MAN2A1: variants seen among roughly 807,000 people sequenced by gnomAD.
MAN2A1 encodes alpha-mannosidase 2.
Under a neutral mutation model 142.6 loss-of-function variants are expected in MAN2A1, and 76 were observed. That is an observed-to-expected ratio of 0.53 (90% CI 0.44 to 0.65). The LOEUF is 0.65. Ranked by LOEUF, MAN2A1 falls within the 30% of genes least tolerant of loss-of-function variation. The pLI is 0.00. For synonymous variants in MAN2A1, 559 were observed against 473.2 expected (o/e 1.18, Z -2.35); for missense variants, 1,311 against 1,365.1 (o/e 0.96, Z 0.62).
chr5:109,690,488 T>C lies in MAN2A1; in HGVS notation c.71T>C (p.Leu24Pro), dbSNP rs1233418118. 3.7e-6 allele frequency: 6 copies of C among 1,613,928 alleles called. No individual in the cohort carries two copies. The highest frequency in any genetic ancestry group is 5.1e-6 in the Non-Finnish European group (6 of 1,179,880). The stretch of plus-strand genomic sequence containing the variant: ...TGTGTGGTGATTTTCTCGCTCTACC[T>C]GATGCTGGACCGGGGTCACTTAGAC... ...IFCVVIFSLY[L>P]MLDRGHLDYP... Residue 24 changes from leucine to proline, a missense_variant, in exon 1 of 22, where the codon CTG becomes CCG. Leu to Pro is a moderately conservative substitution (Grantham distance 98). Transcript: ENST00000261483.
chr5:109,702,393 GGA>G (rs778722087), intron 1 of MAN2A1, among the ~76,000 whole-genome samples: 1 of 150,620 alleles, frequency 6.6e-6, no homozygotes, highest in Non-Finnish European at 1.5e-5. Flanking sequence ...TGGTGGAGAG[GGA>G]GAGAGAGATT....
At chr5:109,846,383 G>A (rs1755344817) in intron 18 of MAN2A1, among the ~76,000 whole-genome samples, 1 of 152,150 alleles carries the variant, frequency 6.6e-6, no homozygotes, top group Non-Finnish European at 1.5e-5. Context: ...GGAAGTTGTG[G>A]TTCAAACTTA....
At chr5:109,757,732 A>G (rs1752726527) in intron 5 of MAN2A1, among the ~76,000 whole-genome samples, 1 of 152,130 alleles carries the variant, frequency 6.6e-6, no homozygotes, top group African/African-American at 2.4e-5. Context: ...GTCTCAGGCT[A>G]TCACTAGTCT....
chr5:109,832,887 G>A (rs1399777303), intron 16 of MAN2A1, among the ~76,000 whole-genome samples: 7 of 148,350 alleles, frequency 4.7e-5, no homozygotes, highest in African/African-American at 1.0e-4. Context: ...GGCGGCTGCC[G>A]GGCGGAGGGG....
Position 109,761,833 on chromosome 5 carries a change from T to G in MAN2A1, c.836-5702T>G, listed in dbSNP as rs141424982. Among the ~76,000 whole-genome samples the G allele has an allele frequency of 4.0e-3, 608 of 152,124 alleles. 2 individuals are homozygous for G. Among genetic ancestry groups the G allele is most frequent in the African/African-American group, 0.013 (552 of 41,536 alleles). The stretch of plus-strand genomic sequence containing the variant: ...ATGTTAAAAATTTCTCCAAAGTTAT[T>G]AATATCCAATTTACATCTAAAATGT... On this transcript the variant is annotated intron_variant, in intron 5 of 21. Coordinates refer to ENST00000261483, the MANE Select transcript of MAN2A1 (RefSeq NM_002372.4).
intron 12 of MAN2A1, among the ~76,000 whole-genome samples, chr5:109,813,909 C>T (rs757298505): frequency 2.0e-5 from 3 of 152,136 alleles, no homozygotes; most frequent in Non-Finnish European, 2.9e-5. Context: ...CGTTTTTCTC[C>T]AGCCAAAGTA....
At chr5:109,691,123 G>T (rs1561461543) in intron 1 of MAN2A1, among the ~76,000 whole-genome samples, 1 of 152,114 alleles carries the variant, frequency 6.6e-6, no homozygotes, top group Admixed American at 6.5e-5. Context: ...TCATTCTTCA[G>T]CTATTACATC....
intron 3 of MAN2A1, among the ~76,000 whole-genome samples, chr5:109,716,660 A>G (rs11742677): frequency 0.053 from 8,123 of 152,318 alleles, 227 homozygotes; most frequent in South Asian, 0.098. Flanking sequence ...TCTTTAAAAT[A>G]AAGAAGCAGT....
intron 1 of MAN2A1, among the ~76,000 whole-genome samples, chr5:109,705,305 A>G (rs547967459): frequency 1.3e-5 from 2 of 152,332 alleles, no homozygotes; most frequent in South Asian, 2.1e-4. Context: ...GATTGATTCT[A>G]AAACTCAGTC....
intron 16 of MAN2A1, among the ~76,000 whole-genome samples, chr5:109,825,688 T>A (rs1040881527): frequency 2.0e-5 from 3 of 151,946 alleles, no homozygotes; most frequent in Admixed American, 2.0e-4. Flanking sequence ...ACTAAATGCT[T>A]GTCATTTTTC....
intron 20 of MAN2A1, among the ~76,000 whole-genome samples, chr5:109,860,834 A>G (rs1403301163): frequency 6.6e-6 from 1 of 152,184 alleles, no homozygotes; most frequent in Non-Finnish European, 1.5e-5. Flanking sequence ...TGGTTTCTGA[A>G]TTGATATATT....
intron 1 of MAN2A1, among the ~76,000 whole-genome samples, chr5:109,703,593 T>TG (rs1751048042): frequency 1.3e-5 from 2 of 151,984 alleles, no homozygotes; most frequent in African/African-American, 4.8e-5. Context: ...GTAAAGTCGG[T>TG]GTGGTTTTTA....
chr5:109,792,759 A>G (rs1041942745), intron 12 of MAN2A1, among the ~76,000 whole-genome samples: 2 of 152,138 alleles, frequency 1.3e-5, no homozygotes, highest in Non-Finnish European at 2.9e-5. Flanking sequence ...GAGGGCTCAT[A>G]TACATTGCTG....
rs141259706 is a variant in MAN2A1 at position 109,829,863 on chromosome 5, G to C, written c.2566+6026G>C. Among the ~76,000 whole-genome samples, 238 of 152,216 alleles carry C rather than the reference G, an allele frequency of 1.6e-3. 2 individuals carry two copies. Among genetic ancestry groups the C allele is most frequent in the African/African-American group, 5.5e-3 (227 of 41,542 alleles). On this transcript the variant is annotated intron_variant, in intron 16 of 21. Coordinates refer to ENST00000261483, the MANE Select transcript of MAN2A1 (RefSeq NM_002372.4). ...AACTTAATTTTTTTCTTGAAAATTG[G>C]TGTAGTCTTCGTCTTCTACATTGTC...
At chr5:109,786,976 G>C (rs1753611334) in intron 10 of MAN2A1, among the ~76,000 whole-genome samples, 1 of 151,960 alleles carries the variant, frequency 6.6e-6, no homozygotes, top group Non-Finnish European at 1.5e-5. Flanking sequence ...GGGAATCTGA[G>C]AGCATGCTGT....
At chr5:109,790,599 A>G (rs1753713397) in intron 12 of MAN2A1, among the ~76,000 whole-genome samples, 1 of 152,072 alleles carries the variant, frequency 6.6e-6, no homozygotes, top group South Asian at 2.1e-4. Context: ...TTATAAAATT[A>G]CAAAATGTTT....
Position 109,774,220 on chromosome 5 carries a change from A to AT in MAN2A1, c.1197-559dup, listed in dbSNP as rs1435799550. ...TTGGTGGCAGGTGACAAGTGTGTGG[A>AT]TTTTTTTTTCTTTAGAAGAGGAAAT... On this transcript the variant is annotated intron_variant, in intron 7 of 21. Transcript: ENST00000261483. Among the ~76,000 whole-genome samples, 5 of 151,736 alleles carry AT rather than the reference A, an allele frequency of 3.3e-5. No homozygotes were observed. In the East Asian group the frequency reaches 7.7e-4, roughly 23 times the overall value.
chr5:109,705,920 T>C (rs1751118009), intron 1 of MAN2A1, among the ~76,000 whole-genome samples: 1 of 152,218 alleles, frequency 6.6e-6, no homozygotes, highest in African/African-American at 2.4e-5. Context: ...CTTTTCCTTA[T>C]GATTACATTG....
rs1369724335 is a variant in MAN2A1 at position 109,842,313 on chromosome 5, T to TA, written c.2567-15_2567-14insA. 3 of 1,477,520 alleles carry TA rather than the reference T, an allele frequency of 2.0e-6. No individual in the cohort carries two copies. The highest frequency in any genetic ancestry group is 2.7e-6 in the Non-Finnish European group (3 of 1,093,570). 91.5% of individuals were successfully genotyped at this position (1,477,520 alleles called of 1,614,324 possible). A position where few individuals can be genotyped will look rare whatever the true frequency, so the allele number is the denominator to read the frequency against. ...ATTTCTTTCTATTAATCCATATATA[T>TA]TTTTTTAAATTTAGGAATAGAAGGA... On this transcript the variant is annotated splice_polypyrimidine_tract_variant and intron_variant, in intron 16 of 21. Transcript: ENST00000261483.
Sources: allele counts gnomAD v4.1 joint callset (sites outside exome capture counted in the v4.1 genomes callset), GRCh38; gene constraint gnomAD v4.1.1; transcripts MANE v1.5; gene names NCBI Gene and HGNC (gene_info 2026-07-23, HGNC 2026-07-21).